The following FSTL5 variants were observed in gnomAD, a reference collection of about 807,000 sequenced individuals.
FSTL5 encodes follistatin like 5.
Under a neutral mutation model 89.1 loss-of-function variants are expected in FSTL5, and 62 were observed. That is an observed-to-expected ratio of 0.70 (90% CI 0.57 to 0.86). The LOEUF (loss-of-function observed/expected upper bound fraction) is 0.86, where lower values mean the gene tolerates loss of function less well. Among genes scored for constraint, FSTL5 ranks in the 40% least tolerant of loss-of-function variants. The pLI, the probability that FSTL5 is intolerant of heterozygous loss-of-function variation, is 0.00. For synonymous variants in FSTL5, 383 were observed against 346.2 expected (o/e 1.11, Z -1.18); for missense variants, 1,057 against 1,001.6 (o/e 1.06, Z -0.75).
At chr4:161,734,037 G>A (rs914898315) in intron 6 of FSTL5, among the ~76,000 whole-genome samples, 4 of 151,580 alleles carry the variant, frequency 2.6e-5, no homozygotes, top group South Asian at 2.1e-4. Flanking sequence ...TTTGAATTAC[G>A]TATTTAATCT....
intron 4 of FSTL5, among the ~76,000 whole-genome samples, chr4:161,918,389 C>G (rs1409813104): frequency 6.6e-6 from 1 of 152,050 alleles, no homozygotes; most frequent in Non-Finnish European, 1.5e-5. Context: ...ATAACCCAGA[C>G]AGTATAAATG....
At chr4:161,942,686 A>T (rs538507335) in intron 3 of FSTL5, among the ~76,000 whole-genome samples, 1 of 150,778 alleles carries the variant, frequency 6.6e-6, no homozygotes, top group Non-Finnish European at 1.5e-5. Context: ...TCCAGGGGGG[A>T]AAAAACCCTG....
At chr4:161,973,743 T>C (rs1450075980) in intron 3 of FSTL5, among the ~76,000 whole-genome samples, 1 of 152,084 alleles carries the variant, frequency 6.6e-6, no homozygotes, top group Admixed American at 6.5e-5. Context: ...ATCTTAACTC[T>C]GTGTGCTGTA....
chr4:161,607,548 C>T (rs1734497031), intron 7 of FSTL5, among the ~76,000 whole-genome samples: 1 of 152,048 alleles, frequency 6.6e-6, no homozygotes. Flanking sequence ...AGACAATTTG[C>T]TTTTTGTCAG....
chr4:161,877,094 G>C (rs913086894), intron 4 of FSTL5, among the ~76,000 whole-genome samples: 2 of 150,198 alleles, frequency 1.3e-5, no homozygotes, highest in African/African-American at 4.9e-5. Flanking sequence ...TGAGGCAGGA[G>C]AATCACTTGA....
intron 1 of FSTL5, among the ~76,000 whole-genome samples, chr4:162,126,065 G>A (rs1183517043): frequency 1.3e-5 from 2 of 149,088 alleles, no homozygotes; most frequent in Non-Finnish European, 1.5e-5. Flanking sequence ...CCAAACATAT[G>A]AAATTAATAA....
intron 15 of FSTL5, among the ~76,000 whole-genome samples, chr4:161,437,829 G>A (rs1732623050): frequency 6.6e-6 from 1 of 152,038 alleles, no homozygotes; most frequent in South Asian, 2.1e-4. Context: ...GTAGGGCTTG[G>A]CATAGAGAAA....
intron 3 of FSTL5, among the ~76,000 whole-genome samples, chr4:161,980,363 A>C (rs1735791991): frequency 1.3e-5 from 2 of 152,238 alleles, no homozygotes; most frequent in Admixed American, 6.5e-5. Flanking sequence ...TTTGAAAAGT[A>C]AAATTGAGAA....
In FSTL5 at chr4:161,951,936, G is replaced by T. The variant is rs1171000572; in HGVS notation, c.161-31284C>A. 2.6e-5 allele frequency among the ~76,000 whole-genome samples: 4 copies of T among 152,074 alleles called. No homozygotes were observed. The South Asian group carries it at 6.2e-4, about 24-fold the overall frequency. On this transcript the variant is annotated intron_variant, in intron 3 of 15. Coordinates refer to ENST00000306100, the MANE Select transcript of FSTL5 (RefSeq NM_020116.5). Reference sequence around the variant, plus strand: ...AAATAGCTTCACATTTTACGAGAAAGATTTAGATGTACTATAAACAAATTC... The same window carrying T: ...AAATAGCTTCACATTTTACGAGAAATATTTAGATGTACTATAAACAAATTC...
At chr4:161,829,116 G>A (rs1730759236) in intron 4 of FSTL5, among the ~76,000 whole-genome samples, 2 of 140,504 alleles carry the variant, frequency 1.4e-5, no homozygotes, top group Admixed American at 7.4e-5. Flanking sequence ...ATTAGACAAA[G>A]TTAAAAGGGC....
At chr4:162,158,473 C>A (rs1733569008) in intron 1 of FSTL5, among the ~76,000 whole-genome samples, 1 of 151,910 alleles carries the variant, frequency 6.6e-6, no homozygotes, top group African/African-American at 2.4e-5. Flanking sequence ...AAGGAATAGT[C>A]TTGGGGAAAT....
At chr4:161,679,071 T>G (rs1040076525) in intron 6 of FSTL5, among the ~76,000 whole-genome samples, 1 of 151,744 alleles carries the variant, frequency 6.6e-6, no homozygotes, top group African/African-American at 2.4e-5. Context: ...TTATCCCTAT[T>G]TTATTGATGG....
At chr4:161,778,208 A>C (rs972637970) in intron 4 of FSTL5, among the ~76,000 whole-genome samples, 3 of 152,184 alleles carry the variant, frequency 2.0e-5, no homozygotes, top group Non-Finnish European at 4.4e-5. Flanking sequence ...CCTCATGATG[A>C]GGTCTTTATA....
chr4:161,643,117 C>T (rs1300199112), intron 7 of FSTL5, among the ~76,000 whole-genome samples: 3 of 152,062 alleles, frequency 2.0e-5, no homozygotes, highest in Non-Finnish European at 4.4e-5. Flanking sequence ...ATTAAGTATT[C>T]ATTAAGTGCT....
At chr4:161,911,258 A>T (rs780759448) in intron 4 of FSTL5, among the ~76,000 whole-genome samples, 1 of 151,946 alleles carries the variant, frequency 6.6e-6, no homozygotes, top group Non-Finnish European at 1.5e-5. Flanking sequence ...TTTCTCTATA[A>T]ATTATTATTC....
At position 161,759,528 on chromosome 4, in the gene FSTL5, T is replaced by A. The variant is rs2126789500; in HGVS notation, c.610A>T (p.Ile204Leu). 6.5e-7 allele frequency: 1 copy of A among 1,538,470 alleles called. No homozygotes were observed. Among genetic ancestry groups the A allele is most frequent in the Admixed American group, 2.0e-5 (1 of 49,910 alleles). ...TCCTTGCCAAGTTCTTCCTGTTTTA[T>A]CACCTAACAAGAAAATTATAAACCA... ...LVDINELTQV[I>L]KQEELGKDLF... is the part of the protein sequence containing the mutation. Residue 204 changes from isoleucine to leucine, a missense_variant, in exon 6 of 16, where the codon ATA becomes TTA. This residue lies in a region of FSTL5 where 980 missense variants were observed against 903.2 expected (regional missense o/e 1.08). Transcript: ENST00000306100.
At chr4:162,058,807 G>A (rs1003912651) in intron 2 of FSTL5, among the ~76,000 whole-genome samples, 1 of 152,050 alleles carries the variant, frequency 6.6e-6, no homozygotes, top group African/African-American at 2.4e-5. Flanking sequence ...TTATAACAAG[G>A]AGGATATAGT....
chr4:161,408,706 A>G (rs984824352), intron 15 of FSTL5, among the ~76,000 whole-genome samples: 1 of 152,220 alleles, frequency 6.6e-6, no homozygotes. Flanking sequence ...GAGCTAAAAG[A>G]GAAAATTTCT....
intron 2 of FSTL5, among the ~76,000 whole-genome samples, chr4:162,090,740 A>G (rs1730517413): frequency 6.6e-6 from 1 of 151,884 alleles, no homozygotes; most frequent in Non-Finnish European, 1.5e-5. Flanking sequence ...GATCCCTTGA[A>G]CCTGGGAGGT....
Sources: allele counts gnomAD v4.1 joint callset (sites outside exome capture counted in the v4.1 genomes callset), GRCh38; gene constraint gnomAD v4.1.1; regional missense constraint gnomAD v4.1.1; transcripts MANE v1.5; gene names NCBI Gene and HGNC (gene_info 2026-07-23, HGNC 2026-07-21).